The following CNTN1 variants were observed in gnomAD, a reference collection of about 807,000 sequenced individuals.
CNTN1 encodes contactin 1.
In CNTN1, 38 loss-of-function variants were observed where a neutral mutation model predicts 126.4. The observed-to-expected ratio is 0.30, with a 90% CI of 0.23 to 0.39. The LOEUF (loss-of-function observed/expected upper bound fraction) is 0.39, where lower values mean the gene tolerates loss of function less well. CNTN1 is among the 10% of genes least tolerant of loss of function. CNTN1 has a pLI of 1.00. For missense variants in CNTN1, 1,009 were observed against 1,248.4 expected (o/e 0.81, Z 2.89); for synonymous variants, 413 against 422.6 (o/e 0.98, Z 0.28).
At chr12:40,946,712 A>G (rs1946446442) in intron 14 of CNTN1, among the ~76,000 whole-genome samples, 1 of 152,172 alleles carries the variant, frequency 6.6e-6, no homozygotes, top group African/African-American at 2.4e-5. Flanking sequence ...TTTTATTTCA[A>G]GAACCTAAGT....
Position 40,962,691 on chromosome 12 carries a change from A to C in CNTN1, c.1804+3457A>C, listed in dbSNP as rs141102082. On this transcript the variant is annotated intron_variant, in intron 15 of 23. Coordinates refer to ENST00000551295, the MANE Select transcript of CNTN1 (RefSeq NM_001843.4). ...AAAGCATAAATGTGTACTTATAGAA[A>C]GCTATAGCACTTTAATTTATTTACC... 2.4e-3 allele frequency among the ~76,000 whole-genome samples: 369 copies of C among 152,266 alleles called. 1 individual carries two copies. Among genetic ancestry groups the C allele is most frequent in the African/African-American group, 8.6e-3 (356 of 41,574 alleles).
chr12:40,851,126 C>G (rs752235188), intron 1 of CNTN1, among the ~76,000 whole-genome samples: 4 of 152,114 alleles, frequency 2.6e-5, no homozygotes, highest in African/African-American at 9.7e-5. Flanking sequence ...TTTTCCAAAG[C>G]CTTTGAGTAG....
chr12:40,766,228 G>A (rs1375489214), intron 1 of CNTN1, among the ~76,000 whole-genome samples: 1 of 151,966 alleles, frequency 6.6e-6, no homozygotes, highest in East Asian at 1.9e-4. Context: ...ATGGTGACAT[G>A]TGCCTGTAAT....
At chr12:40,904,492 G>A (rs958888333) in intron 1 of CNTN1, among the ~76,000 whole-genome samples, 1 of 149,574 alleles carries the variant, frequency 6.7e-6, no homozygotes, top group Admixed American at 6.7e-5. Context: ...ACAGTGGCAT[G>A]ATCTCCACTC....
intron 1 of CNTN1, among the ~76,000 whole-genome samples, chr12:40,777,788 G>A (rs538600256): frequency 6.6e-6 from 1 of 151,834 alleles, no homozygotes; most frequent in East Asian, 1.9e-4. Flanking sequence ...CTTAACCTTG[G>A]TAATATACTC....
rs1202955208 is a variant in CNTN1 at position 41,071,180 on chromosome 12, G to A, written c.*1145G>A. ...AATACCAAATCAATATACTGCTAAT[G>A]GTACTTTGAAGAGTATGCAAAACTG... On this transcript the variant is annotated 3_prime_UTR_variant, in exon 24 of 24. Coordinates refer to ENST00000551295, the MANE Select transcript of CNTN1 (RefSeq NM_001843.4). The A allele has an allele frequency of 1.3e-5, 2 of 152,104 alleles. No homozygotes were observed. Among genetic ancestry groups the A allele is most frequent in the Non-Finnish European group, 2.9e-5 (2 of 67,974 alleles). The allele number at this position is 152,104 out of a possible 1,614,324, so 9.4% of individuals were successfully genotyped here.
Position 40,852,887 on chromosome 12 carries a change from T to TA in CNTN1, c.-76-55469dup, listed in dbSNP as rs1238895579. Among the ~76,000 whole-genome samples, 113 of 140,388 alleles carry TA rather than the reference T, an allele frequency of 8.0e-4. 2 individuals carry two copies. The highest frequency in any genetic ancestry group is 2.9e-3 in the African/African-American group (105 of 36,822). The allele number at this position is 140,388 out of a possible 152,430, so 92.1% of individuals were successfully genotyped here. A position where few individuals can be genotyped will look rare whatever the true frequency, so the allele number is the denominator to read the frequency against. On this transcript the variant is annotated intron_variant, in intron 1 of 23. Coordinates refer to ENST00000551295, the MANE Select transcript of CNTN1 (RefSeq NM_001843.4). ...TTTTCAAGAAATAATCCTTATTGCA[T>TA]AGTTTTTTTTTTATCCTGAGAGAAT...
Position 40,944,330 on chromosome 12 carries a change from G to A in CNTN1, c.1683+160G>A, listed in dbSNP as rs1946363976. Among the ~76,000 whole-genome samples the A allele has an allele frequency of 2.0e-5, 3 of 151,976 alleles. No individual in the cohort carries two copies. The East Asian group carries it at 5.8e-4, about 29-fold the overall frequency. ...TGTGGTTCTCCTTATATTAACTGTT[G>A]TACTGCTAAATCTTTCTAAAATGGC... On this transcript the variant is annotated intron_variant, in intron 14 of 23. Transcript: ENST00000551295.
At chr12:40,988,287 C>T (rs904994440) in intron 16 of CNTN1, among the ~76,000 whole-genome samples, 6 of 152,056 alleles carry the variant, frequency 3.9e-5, no homozygotes, top group Non-Finnish European at 5.9e-5. Context: ...GTTTGTTCTG[C>T]GTACTTACAA....
chr12:40,864,706 T>C (rs111740616), intron 1 of CNTN1, among the ~76,000 whole-genome samples: 2,272 of 152,326 alleles, frequency 0.015, 27 homozygotes, highest in Non-Finnish European at 0.025. Context: ...TTCCATTGTA[T>C]AAATATACCA....
At chr12:40,963,059 G>A (rs1947163210) in intron 15 of CNTN1, among the ~76,000 whole-genome samples, 2 of 152,046 alleles carry the variant, frequency 1.3e-5, no homozygotes, top group South Asian at 4.2e-4. Context: ...TCTGAAATAG[G>A]ACACCTTCAA....
chr12:40,736,278 A>G (rs1324565037), intron 1 of CNTN1, among the ~76,000 whole-genome samples: 1 of 152,146 alleles, frequency 6.6e-6, no homozygotes, highest in Non-Finnish European at 1.5e-5. Context: ...ACAGAAATAT[A>G]GTAATACAAT....
chr12:40,898,097 A>T (rs989248402), intron 1 of CNTN1, among the ~76,000 whole-genome samples: 2 of 152,130 alleles, frequency 1.3e-5, no homozygotes, highest in African/African-American at 4.8e-5. Context: ...TGTTTTTAGT[A>T]ATTTCTCAAT....
At chr12:40,719,200 AT>A (rs1942127614) in intron 1 of CNTN1, among the ~76,000 whole-genome samples, 2 of 152,236 alleles carry the variant, frequency 1.3e-5, no homozygotes, top group Admixed American at 6.5e-5. Flanking sequence ...ATCAAAGGAA[AT>A]AATGCAATTT....
At chr12:41,048,651 C>T (rs1409626336) in intron 23 of CNTN1, among the ~76,000 whole-genome samples, 1 of 151,300 alleles carries the variant, frequency 6.6e-6, no homozygotes, top group Admixed American at 6.6e-5. Context: ...CAATATTGCC[C>T]ACTTTTAAGG....
intron 1 of CNTN1, among the ~76,000 whole-genome samples, chr12:40,782,742 T>C (rs2136452438): frequency 1.3e-5 from 2 of 152,156 alleles, no homozygotes; most frequent in Middle Eastern, 6.8e-3. Context: ...CAGTATTCTC[T>C]ACCTGAAAAA....
intron 1 of CNTN1, among the ~76,000 whole-genome samples, chr12:40,707,216 C>CTTTTCT: frequency 1.5e-5 from 2 of 130,424 alleles, no homozygotes; most frequent in African/African-American, 6.5e-5. Context: ...TCTTTCATTT[C>CTTTTCT]TTTTCTTTTT....
chr12:40,826,662 G>A (rs1941622774), intron 1 of CNTN1, among the ~76,000 whole-genome samples: 1 of 152,158 alleles, frequency 6.6e-6, no homozygotes, highest in African/African-American at 2.4e-5. Context: ...TTCAAGGGCT[G>A]ATATCAACTG....
In CNTN1 at chr12:40,983,442, A is replaced by G. The variant is rs1351575969; in HGVS notation, c.1963+2375A>G. ...AGAAGTGAGCATTTTCTAGTGTAAC[A>G]TTTTAATTCCTTTGATGATATTCAC... On this transcript the variant is annotated intron_variant, in intron 16 of 23. Transcript: ENST00000551295. Among the ~76,000 whole-genome samples, 7 of 151,680 alleles carry G rather than the reference A, an allele frequency of 4.6e-5. No individual in the cohort carries two copies. The East Asian group carries it at 1.4e-3, about 29-fold the overall frequency.
Sources: gnomAD v4.1 joint callset for allele counts (sites outside exome capture counted in the v4.1 genomes callset) on GRCh38, gnomAD v4.1.1 for gene constraint, MANE v1.5 for transcripts, NCBI Gene and HGNC (gene_info 2026-07-23, HGNC 2026-07-21) for gene names.